The following B3GALT1 variants were observed in gnomAD, a reference collection of about 807,000 sequenced individuals.
B3GALT1 encodes beta-1,3-galactosyltransferase 1, also known as UDP-Gal:betaGlcNAc beta 1,3-galactosyltransferase, polypeptide 1.
A neutral mutation model predicts 23.2 loss-of-function variants in B3GALT1; 10 were observed. That is an observed-to-expected ratio of 0.43 (90% CI 0.27 to 0.73). The LOEUF (loss-of-function observed/expected upper bound fraction) is 0.73, where lower values mean the gene tolerates loss of function less well. Ranked by LOEUF, B3GALT1 falls within the 30% of genes least tolerant of loss-of-function variation. The pLI is 0.21. For missense variants in B3GALT1, 299 were observed against 405.4 expected, an observed-to-expected ratio of 0.74 and a Z score of 2.25; for synonymous variants, 156 against 141.5, an observed-to-expected ratio of 1.10 and a Z score of -0.73.
At chr2:167,490,844 G>T (rs200760307) in intron 2 of B3GALT1, among the ~76,000 whole-genome samples, 52 of 152,302 alleles carry the variant, frequency 3.4e-4, no homozygotes, top group East Asian at 1.5e-3. Context: ...AAAAAATCAA[G>T]ACATTGGGTT....
intron 1 of B3GALT1, among the ~76,000 whole-genome samples, chr2:167,458,558 A>G (rs1224832216): frequency 2.0e-5 from 3 of 152,142 alleles, no homozygotes; most frequent in Admixed American, 2.0e-4. Context: ...CAGCTGTACT[A>G]TTGTACGTTC....
chr2:167,712,358 T>A (rs1422219007), intron 3 of B3GALT1, among the ~76,000 whole-genome samples: 1 of 151,650 alleles, frequency 6.6e-6, no homozygotes, highest in African/African-American at 2.4e-5. Flanking sequence ...ATGTGATTAG[T>A]GTTGGATGAA....
At chr2:167,339,039 A>G (rs1408469210) in intron 1 of B3GALT1, among the ~76,000 whole-genome samples, 1 of 152,164 alleles carries the variant, frequency 6.6e-6, no homozygotes, top group Non-Finnish European at 1.5e-5. Flanking sequence ...TAGAATTATT[A>G]TCTTGGAGAA....
At chr2:167,362,591 T>C (rs2105263827) in intron 1 of B3GALT1, among the ~76,000 whole-genome samples, 1 of 152,256 alleles carries the variant, frequency 6.6e-6, no homozygotes, top group African/African-American at 2.4e-5. Context: ...CCTTCATCCA[T>C]GTCCCCGTTG....
chr2:167,298,449 T>A (rs181355869), intron 1 of B3GALT1, among the ~76,000 whole-genome samples: 1 of 152,140 alleles, frequency 6.6e-6, no homozygotes, highest in African/African-American at 2.4e-5. Flanking sequence ...GTGTTAATAT[T>A]ATGTTGGGAC....
intron 3 of B3GALT1, among the ~76,000 whole-genome samples, chr2:167,647,911 A>G (rs768663319): frequency 6.6e-6 from 1 of 152,168 alleles, no homozygotes; most frequent in East Asian, 1.9e-4. Flanking sequence ...TCAAGCATTT[A>G]TCCTTTGAGC....
Position 167,786,705 on chromosome 2 carries a change from A to G in B3GALT1, c.-351-31967A>G, listed in dbSNP as rs149481043. 3.3e-3 allele frequency among the ~76,000 whole-genome samples: 505 copies of G among 152,316 alleles called. 5 individuals are homozygous for G. The highest frequency in any genetic ancestry group is 0.011 in the African/African-American group (473 of 41,564). On this transcript the variant is annotated intron_variant, in intron 3 of 4. Coordinates refer to ENST00000392690, the MANE Select transcript of B3GALT1 (RefSeq NM_020981.4). ...TTGGTAACTTCCCTTTTGATTGCAT[A>G]GAAGTATCTACTAGTATTTCTTTTC...
At chr2:167,357,230 G>A (rs1025508195) in intron 1 of B3GALT1, among the ~76,000 whole-genome samples, 1 of 151,726 alleles carries the variant, frequency 6.6e-6, no homozygotes, top group Non-Finnish European at 1.5e-5. Context: ...TGCCTTTCAA[G>A]TTTTCTCCAA....
At chr2:167,579,430 G>GTTTTTTTTTTTTTTTTTTTTTT (rs1553469287) in intron 2 of B3GALT1, among the ~76,000 whole-genome samples, 9 of 63,598 alleles carry the variant, frequency 1.4e-4, no homozygotes, top group East Asian at 2.5e-3. Context: ...GTTTTTTTTT[G>GTTTTTTTTTTTTTTTTTTTTTT]TCTTTTTTTT....
At chr2:167,664,570 G>C (rs894983279) in intron 3 of B3GALT1, among the ~76,000 whole-genome samples, 1 of 144,906 alleles carries the variant, frequency 6.9e-6, no homozygotes, top group Admixed American at 6.9e-5. Flanking sequence ...CCATTTTCAC[G>C]ATATTGATTC....
At chr2:167,836,184 G>A (rs538197221) in intron 4 of B3GALT1, among the ~76,000 whole-genome samples, 9 of 152,354 alleles carry the variant, frequency 5.9e-5, no homozygotes, top group African/African-American at 7.2e-5. Context: ...GACGGAGAAC[G>A]ACTTTGACAA....
chr2:167,318,639 A>T (rs889080154), intron 1 of B3GALT1, among the ~76,000 whole-genome samples: 8 of 152,118 alleles, frequency 5.3e-5, no homozygotes, highest in Non-Finnish European at 1.5e-5. Context: ...TAAGCTTAAC[A>T]TTTGTTAATC....
intron 1 of B3GALT1, among the ~76,000 whole-genome samples, chr2:167,368,426 C>T (rs1697625874): frequency 6.6e-6 from 1 of 152,160 alleles, no homozygotes; most frequent in Non-Finnish European, 1.5e-5. Flanking sequence ...ATCCCATTGC[C>T]TCCAACTCAT....
chr2:167,332,710 G>A lies in B3GALT1; in HGVS notation c.-511+39376G>A, dbSNP rs146544782. Among the ~76,000 whole-genome samples, 31 of 152,328 alleles carry A rather than the reference G, an allele frequency of 2.0e-4. No homozygotes were observed. In the East Asian group the frequency reaches 5.6e-3, roughly 27 times the overall value. The stretch of plus-strand genomic sequence containing the variant: ...TATGCCCAAGTGGAGTCTTGGCCCA[G>A]ATGACTCTGCTGGACATGTTGGCAG... On this transcript the variant is annotated intron_variant, in intron 1 of 4. Transcript: ENST00000392690.
chr2:167,658,058 G>A (rs572642233), intron 3 of B3GALT1, among the ~76,000 whole-genome samples: 33 of 152,098 alleles, frequency 2.2e-4, no homozygotes, highest in African/African-American at 7.7e-4. Flanking sequence ...GCTCTTTTAC[G>A]AAGTTCTCTA....
intron 4 of B3GALT1, among the ~76,000 whole-genome samples, chr2:167,834,058 G>C (rs1689406425): frequency 6.6e-6 from 1 of 152,090 alleles, no homozygotes; most frequent in Non-Finnish European, 1.5e-5. Context: ...ATCTAAAAAA[G>C]GAACTTTGCT....
chr2:167,664,443 G>A (rs1337089190), intron 3 of B3GALT1, among the ~76,000 whole-genome samples: 9 of 151,880 alleles, frequency 5.9e-5, no homozygotes, highest in Non-Finnish European at 7.4e-5. Context: ...TTGGCAATGC[G>A]GGCTCTTTTT....
At chr2:167,813,182 A>AAATAAG (rs968320474) in intron 3 of B3GALT1, among the ~76,000 whole-genome samples, 1 of 152,322 alleles carries the variant, frequency 6.6e-6, no homozygotes. Context: ...ACAGGAGAGG[A>AAATAAG]AATAAGAAAC....
intron 2 of B3GALT1, among the ~76,000 whole-genome samples, chr2:167,639,844 G>A (rs1359137078): frequency 6.6e-6 from 1 of 152,060 alleles, no homozygotes; most frequent in East Asian, 1.9e-4. Flanking sequence ...ACTGGCCCCT[G>A]CATATGGTTA....
Sources: gnomAD v4.1 joint callset for allele counts (sites outside exome capture counted in the v4.1 genomes callset) on GRCh38, gnomAD v4.1.1 for gene constraint, MANE v1.5 for transcripts, NCBI Gene and HGNC (gene_info 2026-07-23, HGNC 2026-07-21) for gene names.